CHN2: variants seen among roughly 807,000 people sequenced by gnomAD.
The protein encoded by CHN2 is chimerin 2, also known as beta-chimaerin.
In CHN2, 35 loss-of-function variants were observed where a neutral mutation model predicts 56.3. That is an observed-to-expected ratio of 0.62 (90% CI 0.47 to 0.82). The LOEUF (loss-of-function observed/expected upper bound fraction) is 0.82, where lower values mean the gene tolerates loss of function less well. Among genes scored for constraint, CHN2 ranks in the 40% least tolerant of loss-of-function variants. CHN2 has a pLI of 0.00. For missense variants in CHN2, 491 were observed against 580.5 expected, an observed-to-expected ratio of 0.85 and a Z score of 1.58; for synonymous variants, 210 against 212.8, an observed-to-expected ratio of 0.99 and a Z score of 0.12.
At chr7:29,226,358 C>A (rs1198354139) in intron 1 of CHN2, among the ~76,000 whole-genome samples, 1 of 152,132 alleles carries the variant, frequency 6.6e-6, no homozygotes, top group Non-Finnish European at 1.5e-5. Context: ...GCATGAAACA[C>A]AAACAAGAGT....
At chr7:29,511,173 G>GTATTGAGATTTTTATTTAAACAGTAGA (rs1280172123) in intron 12 of CHN2, among the ~76,000 whole-genome samples, 5 of 152,386 alleles carry the variant, frequency 3.3e-5, no homozygotes, top group Admixed American at 2.6e-4. Context: ...TAAACAGTAG[G>GTATTGAGATTTTTATTTAAACAGTAGA]TATTGAGATT....
chr7:29,456,290 G>C (rs1027180082), intron 6 of CHN2, among the ~76,000 whole-genome samples: 1 of 152,158 alleles, frequency 6.6e-6, no homozygotes, highest in African/African-American at 2.4e-5. Flanking sequence ...AGGGTTTTGT[G>C]ATTATTTGTT....
At chr7:29,437,537 G>A (rs886541604) in intron 6 of CHN2, among the ~76,000 whole-genome samples, 1 of 85,024 alleles carries the variant, frequency 1.2e-5, no homozygotes, top group South Asian at 3.1e-4. Flanking sequence ...GGCGGAGCTT[G>A]CAGTGAGCCG....
At chr7:29,202,394 A>C (rs1255711997) in intron 1 of CHN2, among the ~76,000 whole-genome samples, 1 of 152,254 alleles carries the variant, frequency 6.6e-6, no homozygotes, top group Non-Finnish European at 1.5e-5. Context: ...GCATGCAAAT[A>C]AGATGCAGGA....
intron 1 of CHN2, among the ~76,000 whole-genome samples, chr7:29,275,706 G>A (rs2128853950): frequency 6.6e-6 from 1 of 152,244 alleles, no homozygotes; most frequent in South Asian, 2.1e-4. Flanking sequence ...AGGAAAGTGA[G>A]GTCTCTCAGG....
chr7:29,341,842 A>G (rs928178669), intron 1 of CHN2, among the ~76,000 whole-genome samples: 1 of 152,192 alleles, frequency 6.6e-6, no homozygotes, highest in African/African-American at 2.4e-5. Context: ...TCATAGGGAG[A>G]AAAATCAATG....
intron 3 of CHN2, among the ~76,000 whole-genome samples, chr7:29,390,150 T>G (rs779174389): frequency 6.6e-6 from 1 of 152,154 alleles, no homozygotes; most frequent in Non-Finnish European, 1.5e-5. Flanking sequence ...TTCATGTGTT[T>G]TCTCACTCAA....
intron 6 of CHN2, 159 bp from the exon 7 acceptor site, chr7:29,480,120 G>A: frequency 2.6e-6 from 4 of 1,554,134 alleles, no homozygotes; most frequent in Non-Finnish European, 3.5e-6. Flanking sequence ...TATGTTCTCT[G>A]AAGAACTGTG....
At chr7:29,431,905 T>C (rs939559160) in intron 6 of CHN2, among the ~76,000 whole-genome samples, 3 of 152,208 alleles carry the variant, frequency 2.0e-5, no homozygotes, top group African/African-American at 7.2e-5. Flanking sequence ...AATGCTCAGT[T>C]AGGTGGAAAT....
At chr7:29,316,494 T>C (rs1042178678) in intron 1 of CHN2, among the ~76,000 whole-genome samples, 8 of 152,230 alleles carry the variant, frequency 5.3e-5, no homozygotes, top group African/African-American at 1.7e-4. Flanking sequence ...ACATATTCAC[T>C]GTAGCACCTA....
intron 1 of CHN2, among the ~76,000 whole-genome samples, chr7:29,334,111 G>A (rs1464488114): frequency 6.7e-6 from 1 of 148,460 alleles, no homozygotes; most frequent in Non-Finnish European, 1.5e-5. Context: ...GAGTGCAGTG[G>A]CGCGATCTCG....
intron 1 of CHN2, among the ~76,000 whole-genome samples, chr7:29,306,841 ATTTGCAT>A (rs1174560384): frequency 6.6e-6 from 1 of 152,242 alleles, no homozygotes; most frequent in Non-Finnish European, 1.5e-5. Flanking sequence ...GCTTTGGGTG[ATTTGCAT>A]TCTGCAGAAT....
intron 6 of CHN2, among the ~76,000 whole-genome samples, chr7:29,446,537 C>A (rs1426464852): frequency 1.3e-5 from 2 of 152,144 alleles, no homozygotes; most frequent in African/African-American, 2.4e-5. Flanking sequence ...AATGTCCAGG[C>A]AGATGCAGGG....
intron 1 of CHN2, among the ~76,000 whole-genome samples, chr7:29,216,632 T>C (rs1419897294): frequency 1.3e-5 from 2 of 152,190 alleles, no homozygotes; most frequent in Non-Finnish European, 2.9e-5. Context: ...TTCAGGTCTG[T>C]GTTGGTTTCA....
intron 1 of CHN2, among the ~76,000 whole-genome samples, chr7:29,314,128 A>G (rs538146412): frequency 6.0e-4 from 92 of 152,342 alleles, no homozygotes; most frequent in Non-Finnish European, 1.1e-3. Flanking sequence ...ATTATTCACA[A>G]TAGTCAAAAA....
rs138154420 is a variant in CHN2, at chr7:29,387,522, G to T, written c.145-6157G>T. On this transcript the variant is annotated intron_variant, in intron 3 of 12. Coordinates refer to ENST00000222792, the MANE Select transcript of CHN2 (RefSeq NM_004067.4). ...AACCAGCTATGACACGTTCTCTCAT[G>T]TGTGGCAGCTTCTCAAACTTTAATG... 4.4e-3 allele frequency among the ~76,000 whole-genome samples: 676 copies of T among 152,316 alleles called. 6 individuals carry two copies. Among genetic ancestry groups the T allele is most frequent in the South Asian group, 0.011 (53 of 4,824 alleles).
intron 7 of CHN2, among the ~76,000 whole-genome samples, chr7:29,493,090 G>A (rs1348392705): frequency 6.6e-6 from 1 of 152,096 alleles, no homozygotes; most frequent in Non-Finnish European, 1.5e-5. Context: ...GCTTCCCTAT[G>A]TAAGTGTACC....
chr7:29,231,918 G>A lies in CHN2; in HGVS notation c.49+36928G>A, dbSNP rs186988772. ...GTGTCTGCAGATTGTTGCAGTTTAA[G>A]TATTTATTTTTATTTCTAATAATAT... On this transcript the variant is annotated intron_variant, in intron 1 of 12. Coordinates refer to ENST00000222792, the MANE Select transcript of CHN2 (RefSeq NM_004067.4). Among the ~76,000 whole-genome samples, 297 of 152,304 alleles carry A rather than the reference G, an allele frequency of 2.0e-3. 2 individuals are homozygous for A. The highest frequency in any genetic ancestry group is 6.9e-3 in the African/African-American group (287 of 41,564).
chr7:29,318,051 TA>T (rs1353630067), intron 1 of CHN2, among the ~76,000 whole-genome samples: 2 of 152,128 alleles, frequency 1.3e-5, no homozygotes, highest in African/African-American at 4.8e-5. Flanking sequence ...GTGGAGAATG[TA>T]GATGATGCCC....
Sources: allele counts gnomAD v4.1 joint callset (sites outside exome capture counted in the v4.1 genomes callset), GRCh38; gene constraint gnomAD v4.1.1; transcripts MANE v1.5; gene names NCBI Gene and HGNC (gene_info 2026-07-23, HGNC 2026-07-21).